SPG7: variants seen among roughly 807,000 people sequenced by gnomAD.
SPG7 encodes the protein mitochondrial inner membrane m-AAA protease component paraplegin.
A neutral mutation model predicts 81.9 loss-of-function variants in SPG7; 103 were observed. The observed-to-expected ratio is 1.26, with a 90% CI of 1.07 to 1.48. The LOEUF is 1.48. Among genes scored for constraint, SPG7 ranks in the 40% most tolerant of loss-of-function variants. SPG7 has a pLI of 0.00. For synonymous variants in SPG7, 534 were observed against 444.2 expected (o/e 1.20, Z -2.54); for missense variants, 1,241 against 1,087.3 (o/e 1.14, Z -1.99).
chr16:89,532,382 A>G (rs2058356078), intron 8 of SPG7, 81 bp from the exon 9 acceptor site: 22 of 1,516,828 alleles, frequency 1.5e-5, no homozygotes, highest in Non-Finnish European at 1.9e-5. Flanking sequence ...CTTGGTGTAG[A>G]ACTTTGTCTG....
intron 12 of SPG7, chr16:89,548,861 A>G (rs1284336561): frequency 2.3e-6 from 1 of 442,254 alleles, no homozygotes; most frequent in Non-Finnish European, 4.6e-6. Flanking sequence ...TGAAAAGGGA[A>G]GTGGTTCTTG....
chr16:89,546,583 C>CT (rs2058566968), intron 10 of SPG7, 75 bp from the exon 11 acceptor site: 1 of 962,494 alleles, frequency 1.0e-6, no homozygotes, highest in Non-Finnish European at 1.7e-6. Flanking sequence ...CCCCCCCCCC[C>CT]ACAGACAAAC....
rs78247632 is a variant in SPG7 at position 89,557,145 on chromosome 16, C to A, written c.*52C>A. On this transcript the variant is annotated 3_prime_UTR_variant, in exon 17 of 17. Coordinates refer to ENST00000645818, the MANE Select transcript of SPG7 (RefSeq NM_003119.4). ...GTGGTCCGGGAAGTGAGGGCTCACT[C>A]AGCCACCCTGAGTTGCTTTTCAGCT... The A allele has an allele frequency of 5.6e-6, 8 of 1,440,510 alleles. No homozygotes were observed. Among genetic ancestry groups the A allele is most frequent in the Non-Finnish European group, 7.8e-6 (8 of 1,030,668 alleles). The allele number at this position is 1,440,510 out of a possible 1,614,324, so 89.2% of individuals were successfully genotyped here.
At chr16:89,508,694 G>T (rs1253102218) in intron 1 of SPG7, 94 bp downstream of exon 1, 13 of 1,271,316 alleles carry the variant, frequency 1.0e-5, no homozygotes, top group Admixed American at 4.6e-5. Flanking sequence ...CCTGGCCCCT[G>T]CGGCGGGGGA....
At chr16:89,538,361 G>GC (rs1176833817) in intron 9 of SPG7, 2 of 152,192 alleles carry the variant, frequency 1.3e-5, no homozygotes, top group African/African-American at 4.8e-5. Context: ...AGAGAGCACG[G>GC]GGGGAAATTC....
chr16:89,508,634 G>A (rs1006726163), intron 1 of SPG7, 34 bp downstream of exon 1: 3 of 1,427,188 alleles, frequency 2.1e-6, no homozygotes, highest in African/African-American at 3.0e-5. Context: ...CCCACCTCCC[G>A]CCCGGCTCTG....
At chr16:89,555,851 C>G (rs1009281195) in intron 16 of SPG7, 1 of 398,566 alleles carries the variant, frequency 2.5e-6, no homozygotes, top group African/African-American at 2.1e-5. Flanking sequence ...GTAGTTGTTT[C>G]TTCAGCCTCC....
chr16:89,552,443 C>G (rs2058644557), intron 13 of SPG7: 1 of 166,050 alleles, frequency 6.0e-6, no homozygotes, highest in Admixed American at 5.7e-5. Context: ...TTCTCAGAAG[C>G]AGCAGCTGGG....
At chr16:89,525,047 T>C (rs2058242937) in intron 4 of SPG7, among the ~76,000 whole-genome samples, 1 of 145,630 alleles carries the variant, frequency 6.9e-6, no homozygotes, top group Non-Finnish European at 1.5e-5. Context: ...GCAGCCTTGA[T>C]CTCCTGGGCT....
At chr16:89,537,442 A>C in intron 9 of SPG7, 1 of 1,019,340 alleles carries the variant, frequency 9.8e-7, no homozygotes, top group Middle Eastern at 4.9e-4. Flanking sequence ...GCCTCCCTTC[A>C]ACGTAGTCAT....
chr16:89,546,167 A>G (rs1243362488), intron 10 of SPG7: 1 of 298,028 alleles, frequency 3.4e-6, no homozygotes, highest in Non-Finnish European at 6.6e-6. Context: ...GCTCACTGCA[A>G]CCACCATCTC....
At chr16:89,547,628 T>C (rs1597657687) in intron 11 of SPG7, 1 of 284,038 alleles carries the variant, frequency 3.5e-6, no homozygotes, top group East Asian at 9.9e-5. Context: ...ACTTATTTAT[T>C]TTGAGACAGA....
intron 3 of SPG7, among the ~76,000 whole-genome samples, chr16:89,513,333 A>G (rs981637243): frequency 6.6e-6 from 1 of 151,948 alleles, no homozygotes; most frequent in Non-Finnish European, 1.5e-5. Flanking sequence ...CCTGGCCAAC[A>G]TGGTGAAACC....
chr16:89,510,664 CTT>C, intron 2 of SPG7, 72 bp downstream of exon 2: 1 of 945,556 alleles, frequency 1.1e-6, no homozygotes, highest in Non-Finnish European at 1.7e-6. Flanking sequence ...GGAGGCTGAT[CTT>C]TTTTTATTTT....
At chr16:89,532,709 G>A in intron 9 of SPG7, 73 bp downstream of exon 9, 1 of 1,580,258 alleles carries the variant, frequency 6.3e-7, no homozygotes, top group African/African-American at 1.3e-5. Context: ...AGAACAGGTT[G>A]TGGTGAGCCA....
intron 16 of SPG7, chr16:89,555,738 G>A (rs1301087543): frequency 2.5e-6 from 1 of 397,686 alleles, no homozygotes; most frequent in African/African-American, 2.1e-5. Flanking sequence ...CAGAGCTGGA[G>A]TGAACGTTTT....
intron 9 of SPG7, among the ~76,000 whole-genome samples, chr16:89,535,635 C>CCCTGGGGGT (rs2058403831): frequency 6.6e-6 from 1 of 152,202 alleles, no homozygotes; most frequent in Non-Finnish European, 1.5e-5. Context: ...AGTTCAGATT[C>CCCTGGGGGT]TGTGATGTCT....
At position 89,554,503 on chromosome 16, in the gene SPG7, G is replaced by T; in HGVS notation, c.2121G>T (p.Val707=). The T allele has an allele frequency of 6.2e-7, 1 of 1,609,138 alleles. No individual in the cohort carries two copies. The highest frequency in any genetic ancestry group is 1.1e-5 in the South Asian group (1 of 90,996). Residue 707 remains valine, a synonymous_variant, in exon 16 of 17, where the codon GTG becomes GTT. Transcript: ENST00000645818. ...ACTCACAGGAAGCAAGACTGCTGGT[G>T]GCCAAGGCCTACAGACACACCGAGA... ...QMMDHEARLL[V]AKAYRHTEKV...
chr16:89,544,526 C>A, intron 9 of SPG7, 122 bp from the exon 10 acceptor site: 1 of 1,164,242 alleles, frequency 8.6e-7, no homozygotes, highest in Non-Finnish European at 1.3e-6. Context: ...CCGGGCTGTT[C>A]CTTTCTCTCT....
Sources: allele counts gnomAD v4.1 joint callset (sites outside exome capture counted in the v4.1 genomes callset), GRCh38; gene constraint gnomAD v4.1.1; transcripts MANE v1.5; gene names NCBI Gene and HGNC (gene_info 2026-07-23, HGNC 2026-07-21).